Variants in SKI observed in about 807,000 individuals in gnomAD.
The protein encoded by SKI is ski oncogene.
A neutral mutation model predicts 59.3 loss-of-function variants in SKI; 23 were observed. The observed-to-expected ratio is 0.39, with a 90% CI of 0.28 to 0.55. The LOEUF (loss-of-function observed/expected upper bound fraction) is 0.55. Ranked by LOEUF, SKI falls within the 20% of genes least tolerant of loss-of-function variation. The probability of loss-of-function intolerance (pLI) is 0.67; values close to 1 mark genes in which losing one functional copy is unlikely to be tolerated. For synonymous variants in SKI, 673 were observed against 488.6 expected (o/e 1.38, Z -4.98); for missense variants, 1,017 against 1,038.9 (o/e 0.98, Z 0.29).
intron 1 of SKI, among the ~76,000 whole-genome samples, chr1:2,276,824 G>T (rs1639753494): frequency 6.6e-6 from 1 of 152,182 alleles, no homozygotes; most frequent in Admixed American, 6.5e-5. Context: ...CGTGCTCATA[G>T]CTCCGTTCCT....
At chr1:2,240,851 C>A in intron 1 of SKI, 1 of 954,584 alleles carries the variant, frequency 1.0e-6, no homozygotes, top group Non-Finnish European at 1.2e-6. Context: ...GTGTGGGGGC[C>A]GTCCACAGCC....
At chr1:2,251,492 G>C (rs1028834602) in intron 1 of SKI, among the ~76,000 whole-genome samples, 5 of 152,054 alleles carry the variant, frequency 3.3e-5, no homozygotes, top group Non-Finnish European at 7.4e-5. Flanking sequence ...GCGCCCTCAC[G>C]TCCCACCACA....
At position 2,269,589 on chromosome 1, in the gene SKI, G is replaced by A. The variant is rs776505192; in HGVS notation, c.970-33389G>A. Among the ~76,000 whole-genome samples the A allele has an allele frequency of 1.8e-4, 27 of 152,268 alleles. No homozygotes were observed. Among genetic ancestry groups the A allele is most frequent in the Non-Finnish European group, 2.8e-4 (19 of 68,046 alleles). ...GTGAGGAGCTTTGCTGCCCTGGAGC[G>A]TCGCTTTGTGGGCAGAAGCCAACTT... On this transcript the variant is annotated intron_variant, in intron 1 of 6. Coordinates refer to ENST00000378536, the MANE Select transcript of SKI (RefSeq NM_003036.4). The surrounding 1 kb of genome is among the most constrained non-coding windows in gnomAD (Gnocchi z 4.7).
intron 1 of SKI, among the ~76,000 whole-genome samples, chr1:2,246,275 C>G (rs966016492): frequency 6.6e-6 from 1 of 152,154 alleles, no homozygotes; most frequent in East Asian, 1.9e-4. Context: ...TCTCATTTCC[C>G]TGATGATTAG....
intron 1 of SKI, among the ~76,000 whole-genome samples, chr1:2,292,328 A>G (rs1380195332): frequency 2.0e-5 from 3 of 152,148 alleles, no homozygotes; most frequent in Non-Finnish European, 4.4e-5. Context: ...CTTTGCCTGT[A>G]GAAGCTCTGA....
At chr1:2,235,923 C>G (rs374422318) in intron 1 of SKI, among the ~76,000 whole-genome samples, 27 of 152,270 alleles carry the variant, frequency 1.8e-4, no homozygotes, top group African/African-American at 6.3e-4. Flanking sequence ...AGTAATGCTC[C>G]TGTCTTTTGT....
At chr1:2,271,606 C>T (rs1373397241) in intron 1 of SKI, among the ~76,000 whole-genome samples, 8 of 152,276 alleles carry the variant, frequency 5.3e-5, no homozygotes, top group East Asian at 1.9e-4. Flanking sequence ...TTTTGTGCTA[C>T]GCTGCTCTCG....
At chr1:2,236,997 A>G (rs901506095) in intron 1 of SKI, among the ~76,000 whole-genome samples, 1 of 152,154 alleles carries the variant, frequency 6.6e-6, no homozygotes, top group Admixed American at 6.5e-5. Context: ...TCAGGTGGGC[A>G]TGGGTGGCAG....
intron 1 of SKI, among the ~76,000 whole-genome samples, chr1:2,266,884 G>A (rs1639511410): frequency 6.6e-6 from 1 of 152,226 alleles, no homozygotes; most frequent in Non-Finnish European, 1.5e-5. Context: ...GATAGAAAGA[G>A]CGAAAGTAAC....
chr1:2,287,883 C>G (rs60794267), intron 1 of SKI, among the ~76,000 whole-genome samples: 2,639 of 152,320 alleles, frequency 0.017, 82 homozygotes, highest in African/African-American at 0.061. Context: ...GGCCCCACCC[C>G]GAGCCCTGAG....
Position 2,306,728 on chromosome 1 carries a change from C to T in SKI, c.2150C>T (p.Ala717Val). Residue 717 changes from alanine (A) to valine (V), a missense_variant, in exon 7 of 7, where the codon GCT becomes GTT. Physicochemically the swap from Ala to Val is moderately conservative, Grantham distance 64. Transcript: ENST00000378536. ...EQLWPRARPE[A>V]AGSEGAAELE... ...CTGTGGCCGCGGGCCCGCCCCGAGG[C>T]TGCGGGCAGCGAGGGCGCTGCGGAG... 2 of 1,532,546 alleles carry T rather than the reference C, an allele frequency of 1.3e-6. No homozygotes were observed. Among genetic ancestry groups the T allele is most frequent in the South Asian group, 1.2e-5 (1 of 82,688 alleles). The allele number at this position is 1,532,546 out of a possible 1,614,324, so 94.9% of individuals were successfully genotyped here.
At chr1:2,279,117 C>T (rs1196599049) in intron 1 of SKI, among the ~76,000 whole-genome samples, 1 of 152,210 alleles carries the variant, frequency 6.6e-6, no homozygotes, top group Non-Finnish European at 1.5e-5. Flanking sequence ...CCGGAGGGGC[C>T]TTGCTGGGCT....
At chr1:2,290,185 G>C (rs998084649) in intron 1 of SKI, among the ~76,000 whole-genome samples, 1 of 151,988 alleles carries the variant, frequency 6.6e-6, no homozygotes, top group Admixed American at 6.5e-5. Context: ...GCAGCCCTGG[G>C]CTGCCCCCGG....
Position 2,229,183 on chromosome 1 carries a change from C to T in SKI, c.417C>T (p.Ile139=), listed in dbSNP as rs144874401. The T allele has an allele frequency of 5.8e-4, 927 of 1,611,384 alleles. 2 individuals carry two copies. Among genetic ancestry groups the T allele is most frequent in the Non-Finnish European group, 6.0e-4 (705 of 1,179,370 alleles). ...TGCGCGACTTCTCGCTGCAGCAGAT[C>T]AACGCGGTGTGCGACGAGCTCCACA... ...SVLRDFSLQQ[I]NAVCDELHIY... The change falls in exon 1 of 7, where the codon ATC becomes ATT. Residue 139 remains isoleucine (I), a synonymous_variant. Coordinates refer to ENST00000378536, the MANE Select transcript of SKI (RefSeq NM_003036.4). The surrounding 1 kb of genome is among the most constrained non-coding windows in gnomAD (Gnocchi z 6.3).
rs1639574962 is a variant in SKI at position 2,269,695 on chromosome 1, G to C, written c.970-33283G>C. Among the ~76,000 whole-genome samples the C allele has an allele frequency of 6.6e-6, 1 of 152,364 alleles. No homozygotes were observed. The highest frequency in any genetic ancestry group is 3.4e-3 in the Middle Eastern group (1 of 294). ...CTGTTAAGCCAGCCTTGGGCACCAGGGACAGTGGGGACGTGGCTGTGCACC... is the reference window on the plus strand; with the variant it reads ...CTGTTAAGCCAGCCTTGGGCACCAGCGACAGTGGGGACGTGGCTGTGCACC... On this transcript the variant is annotated intron_variant, in intron 1 of 6. Transcript: ENST00000378536. The surrounding 1 kb of genome is among the most constrained non-coding windows in gnomAD (Gnocchi z 4.7).
At chr1:2,232,976 G>C (rs1486543434) in intron 1 of SKI, among the ~76,000 whole-genome samples, 1 of 152,116 alleles carries the variant, frequency 6.6e-6, no homozygotes, top group Non-Finnish European at 1.5e-5. Flanking sequence ...TTCTCTGATA[G>C]CTGTAGGACT....
intron 5 of SKI, 32 bp downstream of exon 5, chr1:2,304,617 G>T: frequency 1.3e-6 from 2 of 1,526,052 alleles, no homozygotes; most frequent in Non-Finnish European, 1.8e-6. Context: ...GGGAGGTCCA[G>T]GGCACGGGCA....
At position 2,303,415 on chromosome 1, in the gene SKI, T is replaced by C; in HGVS notation, c.1211+15T>C. 1.3e-6 allele frequency: 2 copies of C among 1,592,862 alleles called. No homozygotes were observed. Among genetic ancestry groups the C allele is most frequent in the Non-Finnish European group, 1.7e-6 (2 of 1,162,496 alleles). On this transcript the variant is annotated intron_variant, in intron 3 of 6. Transcript: ENST00000378536. The surrounding 1 kb of genome is among the most constrained non-coding windows in gnomAD (Gnocchi z 5.6). ...ATCCGAGACAGGTGAGTGGGCGCCA[T>C]TCACAGGTGTTTCTGATCACGGGGG...
intron 1 of SKI, among the ~76,000 whole-genome samples, chr1:2,297,863 C>T (rs996524536): frequency 1.3e-5 from 2 of 152,246 alleles, no homozygotes; most frequent in East Asian, 3.8e-4. Flanking sequence ...GCATGCATTC[C>T]CCTGGAGGGT....
Sources: allele counts gnomAD v4.1 joint callset (sites outside exome capture counted in the v4.1 genomes callset), GRCh38; gene constraint gnomAD v4.1.1; non-coding constraint Gnocchi (gnomAD v3.1); transcripts MANE v1.5; gene names NCBI Gene and HGNC (gene_info 2026-07-23, HGNC 2026-07-21).